ZBTB20: variants seen among roughly 807,000 people sequenced by gnomAD.
ZBTB20 encodes the protein zinc finger and BTB domain containing 20.
Under a neutral mutation model 56.9 loss-of-function variants are expected in ZBTB20, and 9 were observed. That is an observed-to-expected ratio of 0.16 (90% CI 0.10 to 0.28). The LOEUF is 0.28. Ranked by LOEUF, ZBTB20 falls within the 10% of genes least tolerant of loss-of-function variation. The pLI is 1.00. For synonymous variants in ZBTB20, 417 were observed against 420.7 expected, an observed-to-expected ratio of 0.99 and a Z score of 0.11; for missense variants, 655 against 1,003.0, an observed-to-expected ratio of 0.65 and a Z score of 4.69.
chr3:114,326,585 TAAG>T lies in ZBTB20; in HGVS notation c.*12417_*12419del, dbSNP rs1433557802. ...TGACTGTCCATGGACAGTAACAAATTAAGAAATAAAAATCCTTTACTATCTTGA... is the reference window on the plus strand; with the variant it reads ...TGACTGTCCATGGACAGTAACAAATTAAATAAAAATCCTTTACTATCTTGA... On this transcript the variant is annotated 3_prime_UTR_variant, in exon 12 of 12. Transcript: ENST00000675478. 2.6e-5 allele frequency: 4 copies of T among 152,198 alleles called. No individual in the cohort carries two copies. Among genetic ancestry groups the T allele is most frequent in the Non-Finnish European group, 5.9e-5 (4 of 67,994 alleles). The allele number at this position is 152,198 out of a possible 1,614,324, so 9.4% of individuals were successfully genotyped here.
intron 7 of ZBTB20, among the ~76,000 whole-genome samples, chr3:114,478,730 T>A (rs999751044): frequency 2.0e-5 from 3 of 152,180 alleles, no homozygotes; most frequent in African/African-American, 7.2e-5. Flanking sequence ...ACCCCGGAAG[T>A]CTGAATTTGG....
intron 6 of ZBTB20, among the ~76,000 whole-genome samples, chr3:114,662,239 AT>A (rs1237823906): frequency 6.6e-6 from 1 of 151,932 alleles, no homozygotes; most frequent in Non-Finnish European, 1.5e-5. Flanking sequence ...CGAACTCATC[AT>A]TTTTTATGGC....
At chr3:114,623,541 G>T (rs2058463661) in intron 6 of ZBTB20, among the ~76,000 whole-genome samples, 1 of 152,142 alleles carries the variant, frequency 6.6e-6, no homozygotes, top group African/African-American at 2.4e-5. Context: ...TTTTCCAAAG[G>T]TCGGGTGTGG....
chr3:114,959,637 C>T (rs1382099973), intron 3 of ZBTB20, among the ~76,000 whole-genome samples: 1 of 151,542 alleles, frequency 6.6e-6, no homozygotes, highest in African/African-American at 2.4e-5. Context: ...TAAGGAAATT[C>T]AAACAGTAGT....
intron 10 of ZBTB20, among the ~76,000 whole-genome samples, chr3:114,361,599 T>C (rs1273778526): frequency 6.6e-6 from 1 of 152,232 alleles, no homozygotes; most frequent in Non-Finnish European, 1.5e-5. Context: ...GAATAAACCA[T>C]AAAACAAAGA....
intron 6 of ZBTB20, among the ~76,000 whole-genome samples, chr3:114,510,425 C>T (rs2045213938): frequency 2.6e-5 from 4 of 151,980 alleles, no homozygotes; most frequent in Admixed American, 2.6e-4. Context: ...ATGCATGGTT[C>T]CTCCTGCATG....
chr3:114,515,643 A>G (rs2045903144), intron 6 of ZBTB20, among the ~76,000 whole-genome samples: 1 of 152,192 alleles, frequency 6.6e-6, no homozygotes, highest in South Asian at 2.1e-4. Flanking sequence ...CTCCTTTTGC[A>G]TAGAGAAAAC....
intron 6 of ZBTB20, among the ~76,000 whole-genome samples, chr3:114,550,961 G>T (rs1559947997): frequency 6.6e-6 from 1 of 152,106 alleles, no homozygotes; most frequent in African/African-American, 2.4e-5. Flanking sequence ...ATGTTGGCCA[G>T]GCTTGTGTTG....
At chr3:114,494,152 A>G (rs1559867817) in intron 7 of ZBTB20, among the ~76,000 whole-genome samples, 1 of 152,260 alleles carries the variant, frequency 6.6e-6, no homozygotes, top group Non-Finnish European at 1.5e-5. Context: ...AAGCAAGGCA[A>G]GCACTCAATA....
At chr3:114,434,358 G>A (rs1045136652) in intron 7 of ZBTB20, among the ~76,000 whole-genome samples, 6 of 152,126 alleles carry the variant, frequency 3.9e-5, no homozygotes, top group African/African-American at 1.4e-4. Flanking sequence ...TGACGATGGA[G>A]TTCGGGAGAG....
chr3:115,074,729 G>C (rs1014985143), intron 1 of ZBTB20, among the ~76,000 whole-genome samples: 1 of 152,130 alleles, frequency 6.6e-6, no homozygotes, highest in Non-Finnish European at 1.5e-5. Flanking sequence ...TGTCTTGAGA[G>C]AGTTATCAGA....
chr3:114,655,382 A>G (rs1290607406), intron 6 of ZBTB20, among the ~76,000 whole-genome samples: 1 of 148,442 alleles, frequency 6.7e-6, no homozygotes, highest in African/African-American at 2.5e-5. Context: ...CCTCCCCAGT[A>G]GCTGGGACTA....
chr3:114,737,980 A>AT (rs1422410805), intron 5 of ZBTB20, among the ~76,000 whole-genome samples: 1 of 152,128 alleles, frequency 6.6e-6, no homozygotes, highest in Non-Finnish European at 1.5e-5. Context: ...CTTTCTGCTA[A>AT]TTAAGTGTTC....
intron 7 of ZBTB20, among the ~76,000 whole-genome samples, chr3:114,399,887 A>C (rs1227251431): frequency 1.3e-5 from 2 of 152,122 alleles, no homozygotes; most frequent in Non-Finnish European, 2.9e-5. Flanking sequence ...TGACCTAGAC[A>C]TGTTAAAGAT....
At chr3:115,108,911 AATG>A (rs2083798072) in intron 1 of ZBTB20, among the ~76,000 whole-genome samples, 1 of 152,194 alleles carries the variant, frequency 6.6e-6, no homozygotes. Flanking sequence ...TTAGTATCTG[AATG>A]ATAAGATTAT....
intron 2 of ZBTB20, among the ~76,000 whole-genome samples, chr3:114,999,367 G>C (rs2079158063): frequency 6.6e-6 from 1 of 151,532 alleles, no homozygotes; most frequent in South Asian, 2.1e-4. Flanking sequence ...ATGGAAGAGA[G>C]GAAGGAAGGA....
At chr3:114,579,836 C>T (rs1348409381) in intron 6 of ZBTB20, among the ~76,000 whole-genome samples, 3 of 151,426 alleles carry the variant, frequency 2.0e-5, no homozygotes, top group Admixed American at 6.6e-5. Flanking sequence ...AAAATAACTT[C>T]CCAAAATTGA....
chr3:114,918,557 C>A (rs2075834490), intron 3 of ZBTB20, among the ~76,000 whole-genome samples: 1 of 152,136 alleles, frequency 6.6e-6, no homozygotes, highest in South Asian at 2.1e-4. Flanking sequence ...AGGAAAGGCC[C>A]AAAGGCTCTT....
chr3:114,733,608 T>C lies in ZBTB20; in HGVS notation c.-342-40033A>G, dbSNP rs184618770. Among the ~76,000 whole-genome samples the C allele has an allele frequency of 4.3e-3, 658 of 152,310 alleles. 7 individuals carry two copies. Among genetic ancestry groups the C allele is most frequent in the South Asian group, 0.022 (105 of 4,824 alleles). ...TACACTTTTCTACCTCTTTTCTACC[T>C]CTATGCCCTCTCACCCTCCTTCATC... On this transcript the variant is annotated intron_variant, in intron 5 of 11. Coordinates refer to ENST00000675478, the MANE Select transcript of ZBTB20 (RefSeq NM_001348800.3).
Sources: allele counts gnomAD v4.1 joint callset (sites outside exome capture counted in the v4.1 genomes callset), GRCh38; gene constraint gnomAD v4.1.1; transcripts MANE v1.5; gene names NCBI Gene and HGNC (gene_info 2026-07-23, HGNC 2026-07-21).